Variants in COA8 observed in about 807,000 individuals in gnomAD.
COA8 encodes the protein UPF0671 protein C14orf153.
Under a neutral mutation model 22.0 loss-of-function variants are expected in COA8, and 20 were observed. That is an observed-to-expected ratio of 0.91 (90% CI 0.64 to 1.32). The LOEUF (loss-of-function observed/expected upper bound fraction) is 1.32, where lower values mean the gene tolerates loss of function less well. COA8 is among the 40% of genes most tolerant of loss of function. The probability of loss-of-function intolerance (pLI) is 0.00; values close to 1 mark genes in which losing one functional copy is unlikely to be tolerated. For synonymous variants in COA8, 105 were observed against 79.9 expected (o/e 1.31, Z -1.68); for missense variants, 266 against 230.0 (o/e 1.16, Z -1.01).
Position 103,571,914 on chromosome 14 carries a change from T to G in COA8, c.321+94T>G, listed in dbSNP as rs2063006388. ...ATGCCGAGGTGGGCAGATCACGAGGTCAGGAGATCGAGACCATCCTGGCTA... is the reference window on the plus strand; with the variant it reads ...ATGCCGAGGTGGGCAGATCACGAGGGCAGGAGATCGAGACCATCCTGGCTA... On this transcript the variant is annotated intron_variant, in intron 2 of 4. Coordinates refer to ENST00000409074, the MANE Select transcript of COA8 (RefSeq NM_001370595.2). 4 of 1,070,282 alleles carry G rather than the reference T, an allele frequency of 3.7e-6. No individual in the cohort carries two copies. In the African/African-American group the frequency reaches 4.8e-5, roughly 13 times the overall value. 66.3% of individuals were successfully genotyped at this position (1,070,282 alleles called of 1,614,324 possible). A position where few individuals can be genotyped will look rare whatever the true frequency, so the allele number is the denominator to read the frequency against.
intron 1 of COA8, among the ~76,000 whole-genome samples, chr14:103,568,012 T>G (rs1295527913): frequency 1.3e-5 from 2 of 152,134 alleles, no homozygotes; most frequent in Non-Finnish European, 2.9e-5. Context: ...CTAGCATCCA[T>G]GTAGAATAGG....
At chr14:103,574,044 A>G (rs2076209657) in intron 2 of COA8, 63 bp from the exon 3 acceptor site, 1 of 1,516,910 alleles carries the variant, frequency 6.6e-7, no homozygotes, top group Non-Finnish European at 8.8e-7. Flanking sequence ...TAGCCAAAGA[A>G]AAATGGAAAG....
chr14:103,586,451 T>C (rs2076307877), intron 3 of COA8, among the ~76,000 whole-genome samples: 1 of 151,890 alleles, frequency 6.6e-6, no homozygotes, highest in South Asian at 2.1e-4. Flanking sequence ...CAAGTGATCC[T>C]CCTGCCTCAG....
rs373279860 is a variant in COA8 at position 103,579,962 on chromosome 14, C to CAA, written c.385+5810_385+5811dup. ...TGGGCAACAAAGCAAGACTCTGTCTCAAAAAAAAAAAAAAAAAAAGTACAG... is the reference window on the plus strand; with the variant it reads ...TGGGCAACAAAGCAAGACTCTGTCTCAAAAAAAAAAAAAAAAAAAAAGTACAG... On this transcript the variant is annotated intron_variant, in intron 3 of 4. Coordinates refer to ENST00000409074, the MANE Select transcript of COA8 (RefSeq NM_001370595.2). Among the ~76,000 whole-genome samples, 834 of 117,272 alleles carry CAA rather than the reference C, an allele frequency of 7.1e-3. 14 individuals are homozygous for CAA. Among genetic ancestry groups the CAA allele is most frequent in the African/African-American group, 0.014 (418 of 30,800 alleles). 76.9% of individuals were successfully genotyped at this position (117,272 alleles called of 152,430 possible). A position where few individuals can be genotyped will look rare whatever the true frequency, so the allele number is the denominator to read the frequency against.
At chr14:103,564,698 G>A (rs956212532) in intron 1 of COA8, among the ~76,000 whole-genome samples, 6 of 146,828 alleles carry the variant, frequency 4.1e-5, no homozygotes, top group Non-Finnish European at 8.9e-5. Context: ...TCGTGCCTCA[G>A]CCTTCCGAGT....
chr14:103,575,908 G>A (rs1311718338), intron 3 of COA8, among the ~76,000 whole-genome samples: 12 of 152,062 alleles, frequency 7.9e-5, no homozygotes, highest in Admixed American at 7.9e-4. Context: ...TTGCCGTGTT[G>A]CCCAGGCTGG....
chr14:103,577,300 T>C (rs1464013000), intron 3 of COA8, among the ~76,000 whole-genome samples: 3 of 151,924 alleles, frequency 2.0e-5, no homozygotes, highest in African/African-American at 7.3e-5. Flanking sequence ...GGTCTCAAAC[T>C]CCTGACCTCA....
intron 4 of COA8, among the ~76,000 whole-genome samples, chr14:103,589,783 G>A (rs565425959): frequency 0.017 from 2,508 of 151,792 alleles, 34 homozygotes; most frequent in Non-Finnish European, 0.026. Flanking sequence ...GTGTGGTGGC[G>A]GGCGCCTGTA....
rs74917403 is a variant in COA8 at position 103,563,042 on chromosome 14, C to A, written c.41C>A (p.Pro14His). 23 of 1,543,338 alleles carry A rather than the reference C, an allele frequency of 1.5e-5. No homozygotes were observed. The highest frequency in any genetic ancestry group is 7.7e-5 in the Admixed American group (4 of 52,104). ...LRAGKKTFLPPLCRAFACRGC... is the reference protein window; with the variant it reads ...LRAGKKTFLPHLCRAFACRGC... ...GCGGGGAAGAAGACCTTTCTCCCCC[C>A]TCTCTGCCGCGCCTTCGCCTGCCGC... is the stretch of plus-strand genomic sequence containing the variant. The change falls in exon 1 of 5, where the codon CCT becomes CAT. Residue 14 changes from proline to histidine, a missense_variant. Pro to His is a moderately conservative substitution (Grantham distance 77, BLOSUM62 -2). Transcript: ENST00000409074.
At chr14:103,574,318 A>C (rs888121190) in intron 3 of COA8, 148 bp downstream of exon 3, 1 of 1,056,786 alleles carries the variant, frequency 9.5e-7, no homozygotes, top group African/African-American at 1.6e-5. Context: ...CCCCTGTCCA[A>C]GTTCTCTTGC....
In COA8 at chr14:103,581,975, G is replaced by A. The variant is rs986309809; in HGVS notation, c.386-5299G>A. ...TGGCCACTTTGCCCACTCCCCCTTG[G>A]GCCGGAGCATCAGCATTAGCTGTGC... On this transcript the variant is annotated intron_variant, in intron 3 of 4. Transcript: ENST00000409074. The surrounding 1 kb of genome is among the most constrained non-coding windows in gnomAD (Gnocchi z 4.1). Among the ~76,000 whole-genome samples, 1 of 152,174 alleles carries A rather than the reference G, an allele frequency of 6.6e-6. No homozygotes were observed. The highest frequency in any genetic ancestry group is 1.5e-5 in the Non-Finnish European group (1 of 68,032).
chr14:103,577,620 T>C (rs1184828469), intron 3 of COA8, among the ~76,000 whole-genome samples: 9 of 151,842 alleles, frequency 5.9e-5, no homozygotes, highest in Non-Finnish European at 1.3e-4. Flanking sequence ...GGCTCATACC[T>C]GTAATCCCAC....
At position 103,585,896 on chromosome 14, in the gene COA8, G is replaced by GT. The variant is rs113878269; in HGVS notation, c.386-1369dup. On this transcript the variant is annotated intron_variant, in intron 3 of 4. Coordinates refer to ENST00000409074, the MANE Select transcript of COA8 (RefSeq NM_001370595.2). Reference sequence around the variant, plus strand: ...GCCCGGCCCTTTTTTGTTGTTTTTTGTTTTTTTTTGTTTTGTTTTTGGAGA... The same window carrying GT: ...GCCCGGCCCTTTTTTGTTGTTTTTTGTTTTTTTTTTGTTTTGTTTTTGGAGA... Among the ~76,000 whole-genome samples the GT allele has an allele frequency of 3.4e-3, 489 of 142,750 alleles. 4 individuals carry two copies. Among genetic ancestry groups the GT allele is most frequent in the African/African-American group, 0.012 (460 of 38,848 alleles). The allele number at this position is 142,750 out of a possible 152,430, so 93.6% of individuals were successfully genotyped here.
chr14:103,566,694 G>T (rs545434963), intron 1 of COA8, among the ~76,000 whole-genome samples: 1 of 152,358 alleles, frequency 6.6e-6, no homozygotes, highest in South Asian at 2.1e-4. Flanking sequence ...CTAGAGCAGT[G>T]CTTGGCCTTT....
intron 3 of COA8, 42 bp downstream of exon 3, chr14:103,574,212 T>C (rs753612286): frequency 8.7e-6 from 14 of 1,608,986 alleles, no homozygotes; most frequent in Non-Finnish European, 1.1e-5. Context: ...TTTCTTTGCG[T>C]TTGAGCTAGT....
chr14:103,590,058 A>G, intron 4 of COA8, 123 bp from the exon 5 acceptor site: 1 of 754,990 alleles, frequency 1.3e-6, no homozygotes, highest in Non-Finnish European at 2.3e-6. Context: ...GGGCAGGGAA[A>G]GGGCAAAGCA....
At chr14:103,588,515 C>A (rs1009691739) in intron 4 of COA8, among the ~76,000 whole-genome samples, 1 of 151,342 alleles carries the variant, frequency 6.6e-6, no homozygotes, top group Non-Finnish European at 1.5e-5. Context: ...TCCAGAGTTA[C>A]AAAGCCTGAT....
chr14:103,587,590 C>T (rs2076318652), intron 4 of COA8, among the ~76,000 whole-genome samples: 1 of 150,070 alleles, frequency 6.7e-6, no homozygotes, highest in South Asian at 2.1e-4. Context: ...TCACTGCAAG[C>T]TCCGCCTCCT....
In COA8 at chr14:103,581,321, AG is replaced by A. The variant is rs2076265858; in HGVS notation, c.386-5952del. Among the ~76,000 whole-genome samples the A allele has an allele frequency of 1.3e-5, 2 of 152,150 alleles. No homozygotes were observed. Among genetic ancestry groups the A allele is most frequent in the African/African-American group, 4.8e-5 (2 of 41,436 alleles). On this transcript the variant is annotated intron_variant, in intron 3 of 4. Coordinates refer to ENST00000409074, the MANE Select transcript of COA8 (RefSeq NM_001370595.2). The surrounding 1 kb of genome is among the most constrained non-coding windows in gnomAD (Gnocchi z 4.1). Reference sequence around the variant, plus strand: ...ATCTTGTATTTTGCAACCATTACCAAGTAAATAAGGGTTACTCAGACACAAG... The same window carrying A: ...ATCTTGTATTTTGCAACCATTACCAATAAATAAGGGTTACTCAGACACAAG...
Sources: allele counts gnomAD v4.1 joint callset (sites outside exome capture counted in the v4.1 genomes callset), GRCh38; gene constraint gnomAD v4.1.1; non-coding constraint Gnocchi (gnomAD v3.1); transcripts MANE v1.5; gene names NCBI Gene and HGNC (gene_info 2026-07-23, HGNC 2026-07-21).